EPHB4: variants seen among roughly 807,000 people sequenced by gnomAD.
EPHB4 encodes the protein EPH receptor B4.
In EPHB4, 50 loss-of-function variants were observed where a neutral mutation model predicts 110.6. That is an observed-to-expected ratio of 0.45 (90% confidence interval 0.36 to 0.57). The LOEUF (loss-of-function observed/expected upper bound fraction) is 0.57, where lower values mean the gene tolerates loss of function less well. Among genes scored for constraint, EPHB4 ranks in the 20% least tolerant of loss-of-function variants. The pLI is 0.00. For synonymous variants in EPHB4, 592 were observed against 578.4 expected (o/e 1.02, Z -0.34); for missense variants, 1,128 against 1,382.1 (o/e 0.82, Z 2.91).
chr7:100,807,295 C>T, intron 13 of EPHB4, 70 bp downstream of exon 13: 1 of 1,535,536 alleles, frequency 6.5e-7, no homozygotes, highest in Non-Finnish European at 8.9e-7. Context: ...CCCTCAGCCT[C>T]CCACCTTTCC....
chr7:100,818,496 C>G (rs1326311923), intron 7 of EPHB4, 24 bp downstream of exon 7: 3 of 1,612,700 alleles, frequency 1.9e-6, no homozygotes, highest in Non-Finnish European at 2.5e-6. Flanking sequence ...GCCCACCCAC[C>G]CCAGGGCTGG....
At position 100,827,516 on chromosome 7, in the gene EPHB4, C is replaced by T. The variant is rs1418667130; in HGVS notation, c.-486G>A. 2 of 150,956 alleles carry T rather than the reference C, an allele frequency of 1.3e-5. No homozygotes were observed. Among genetic ancestry groups the T allele is most frequent in the East Asian group, 2.0e-4 (1 of 5,110 alleles). 9.4% of individuals were successfully genotyped at this position (150,956 alleles called of 1,614,324 possible). On this transcript the variant is annotated 5_prime_UTR_variant, in exon 1 of 17. Transcript: ENST00000358173. ...CGGGCCGGGCAGGGGCTGAGCTGCG[C>T]TGGAACTGGGCCGGGCGGCGCCGGG...
chr7:100,819,898 G>C lies in EPHB4; in HGVS notation c.965-9C>G. On this transcript the variant is annotated splice_polypyrimidine_tract_variant and intron_variant, in intron 5 of 16. Coordinates refer to ENST00000358173, the MANE Select transcript of EPHB4 (RefSeq NM_004444.5). ...CGGAGCCGAAGGAGGGGCTGCAGGA[G>C]ACCAGGGAGTCAGGCAGAGGCCGAC... The C allele has an allele frequency of 6.5e-7, 1 of 1,539,508 alleles. No homozygotes were observed. Among genetic ancestry groups the C allele is most frequent in the South Asian group, 1.2e-5 (1 of 83,690 alleles).
At position 100,822,388 on chromosome 7, in the gene EPHB4, G is replaced by C. The variant is rs147563837; in HGVS notation, c.691C>G (p.Pro231Ala). 18 of 1,570,818 alleles carry C rather than the reference G, an allele frequency of 1.1e-5. No individual in the cohort carries two copies. In the Admixed American group the frequency reaches 1.9e-4, roughly 16 times the overall value. The change falls in exon 4 of 17, where the codon CCT (proline) becomes GCT (alanine). Residue 231 changes from proline (P) to alanine (A), a missense_variant. Coordinates refer to ENST00000358173, the MANE Select transcript of EPHB4 (RefSeq NM_004444.5). The surrounding 1 kb of genome is among the most constrained non-coding windows in gnomAD (Gnocchi z 4.7). ...CAGTAGAGGCTGGGGCTGGGGCCAG[G>C]GGCGGGGACGGCATCCACCACGCAG... ...GSCVVDAVPA[P>A]GPSPSLYCRE...
chr7:100,826,848 G>C, intron 1 of EPHB4, 131 bp downstream of exon 1: 3 of 918,658 alleles, frequency 3.3e-6, no homozygotes, highest in African/African-American at 1.7e-5. Flanking sequence ...AGCACTATCG[G>C]TCCGAAGTGT....
In EPHB4 at chr7:100,826,763, G is replaced by C. The variant is rs1584670158; in HGVS notation, c.52+216C>G. On this transcript the variant is annotated intron_variant, in intron 1 of 16. Transcript: ENST00000358173. ...AGGGGAATGTCCCGGGTCGTAGCCA[G>C]ACTCCATCTCTTTCCCAAACAAAAG... The C allele has an allele frequency of 8.0e-6, 4 of 502,830 alleles. No homozygotes were observed. In the East Asian group the frequency reaches 1.3e-4, roughly 16 times the overall value. 31.1% of individuals were successfully genotyped at this position (502,830 alleles called of 1,614,324 possible).
intron 3 of EPHB4, 74 bp downstream of exon 3, chr7:100,823,570 T>G: frequency 6.4e-7 from 1 of 1,555,450 alleles, no homozygotes; most frequent in East Asian, 2.3e-5. Flanking sequence ...CTACATCGGC[T>G]GCCCTCCAGG....
At position 100,822,842 on chromosome 7, in the gene EPHB4, G is replaced by A. The variant is rs183036088; in HGVS notation, c.412-175C>T. On this transcript the variant is annotated intron_variant, in intron 3 of 16. Transcript: ENST00000358173. The surrounding 1 kb of genome is among the most constrained non-coding windows in gnomAD (Gnocchi z 4.7). ...GCCCCCACACTGTCCATTCAGCCTTGCAAAGCTCCTGCGATATGCCCGGCC... is the reference window on the plus strand; with the variant it reads ...GCCCCCACACTGTCCATTCAGCCTTACAAAGCTCCTGCGATATGCCCGGCC... Among the ~76,000 whole-genome samples, 308 of 152,308 alleles carry A rather than the reference G, an allele frequency of 2.0e-3. No homozygotes were observed. The highest frequency in any genetic ancestry group is 7.0e-3 in the African/African-American group (289 of 41,558).
At chr7:100,818,900 T>C (rs1813150102) in intron 6 of EPHB4, among the ~76,000 whole-genome samples, 1 of 152,016 alleles carries the variant, frequency 6.6e-6, no homozygotes, top group Non-Finnish European at 1.5e-5. Context: ...TTCACCACGT[T>C]GGCCAGGCTA....
At chr7:100,804,308 CTTTTTTTTT>C (rs11338293) in intron 16 of EPHB4, among the ~76,000 whole-genome samples, 193 of 71,632 alleles carry the variant, frequency 2.7e-3, no homozygotes, top group African/African-American at 9.6e-3. Context: ...CTTCACATTT[CTTTTTTTTT>C]TTTTTTTTTT....
chr7:100,820,082 C>A, intron 5 of EPHB4, 59 bp downstream of exon 5: 1 of 1,578,878 alleles, frequency 6.3e-7, no homozygotes. Flanking sequence ...ATGTGAGGGT[C>A]CACCTCAGAG....
chr7:100,805,531 C>T lies in EPHB4; in HGVS notation c.2648G>A (p.Ser883Asn), dbSNP rs1241833146. 1.3e-6 allele frequency: 2 copies of T among 1,525,024 alleles called. No homozygotes were observed. Among genetic ancestry groups the T allele is most frequent in the African/African-American group, 2.8e-5 (2 of 71,942 alleles). The allele number at this position is 1,525,024 out of a possible 1,614,324, so 94.5% of individuals were successfully genotyped here. A position where few individuals can be genotyped will look rare whatever the true frequency, so the allele number is the denominator to read the frequency against. Residue 883 changes from serine to asparagine, a missense_variant, in exon 15 of 17, where the codon AGC (serine) becomes AAC (asparagine). Ser to Asn is a conservative substitution (Grantham distance 46). Around this residue, in one of 3 missense-constraint regions of EPHB4, gnomAD observed 209 missense variants for 240.5 expected, o/e 0.87. Transcript: ENST00000358173. Reference protein sequence around the residue: ...ALDKMIRNPASLKIVARENGG... With the variant: ...ALDKMIRNPANLKIVARENGG... The stretch of plus-strand genomic sequence containing the variant: ...ATTCTCCCGGGCCACGATTTTGAGG[C>T]TGGCGGGGTTCCGGATCATCTTGTC...
chr7:100,815,612 T>A (rs1337651436), intron 8 of EPHB4, among the ~76,000 whole-genome samples: 1 of 152,226 alleles, frequency 6.6e-6, no homozygotes, highest in African/African-American at 2.4e-5. Flanking sequence ...TCATCGATTG[T>A]ACACTTTGAA....
At chr7:100,818,491 C>T (rs1232521269) in intron 7 of EPHB4, 29 bp downstream of exon 7, 1 of 1,610,400 alleles carries the variant, frequency 6.2e-7, no homozygotes. Flanking sequence ...CCATTGCCCA[C>T]CCACCCCAGG....
chr7:100,806,148 C>T (rs182569289), intron 14 of EPHB4: 8 of 263,738 alleles, frequency 3.0e-5, no homozygotes, highest in South Asian at 1.1e-4. Context: ...TTTTTAGAGA[C>T]GGGGTTTCAC....
chr7:100,805,589 G>T lies in EPHB4; in HGVS notation c.2590C>A (p.Arg864=). The change falls in exon 15 of 17, where the codon CGG becomes AGG. Residue 864 remains arginine, a synonymous_variant. Transcript: ENST00000358173. ...CTGACCACCTGGGGGAAGCGGGGCCGGGCATTCCGGTCTTTCTGCCAACAG... is the reference window on the plus strand; with the variant it reads ...CTGACCACCTGGGGGAAGCGGGGCCTGGCATTCCGGTCTTTCTGCCAACAG... ...LDCWQKDRNA[R]PRFPQVVSAL... 6.4e-7 allele frequency: 1 copy of T among 1,556,784 alleles called. No homozygotes were observed. Among genetic ancestry groups the T allele is most frequent in the Non-Finnish European group, 8.7e-7 (1 of 1,152,904 alleles).
intron 12 of EPHB4, among the ~76,000 whole-genome samples, chr7:100,808,405 T>A (rs1812860017): frequency 6.6e-6 from 1 of 152,078 alleles, no homozygotes; most frequent in Admixed American, 6.6e-5. Flanking sequence ...AGGGGTTTTT[T>A]TGGTAGATAT....
chr7:100,808,814 A>T (rs752599514), intron 12 of EPHB4, among the ~76,000 whole-genome samples: 1 of 152,122 alleles, frequency 6.6e-6, no homozygotes, highest in Non-Finnish European at 1.5e-5. Flanking sequence ...CAAAAACTGA[A>T]TTTTGAATCC....
chr7:100,819,441 C>A, intron 6 of EPHB4, 116 bp downstream of exon 6: 2 of 1,226,984 alleles, frequency 1.6e-6, no homozygotes, highest in Non-Finnish European at 1.1e-6. Context: ...GCCCCCAAAG[C>A]CTTAGCCCCT....
Sources: gnomAD v4.1 joint callset for allele counts (sites outside exome capture counted in the v4.1 genomes callset) on GRCh38, gnomAD v4.1.1 for gene constraint, gnomAD v4.1.1 regional missense constraint, Gnocchi (gnomAD v3.1) non-coding constraint, MANE v1.5 for transcripts, NCBI Gene and HGNC (gene_info 2026-07-23, HGNC 2026-07-21) for gene names.